Variants in AK5 observed in about 807,000 individuals in gnomAD.
AK5 encodes the protein adenylate kinase 5.
AK5 carries 27 observed loss-of-function variants against 69.5 expected under a neutral mutation model. The ratio of observed to expected loss-of-function variants is 0.39; its 90% CI spans 0.29 to 0.54. The LOEUF is 0.54. AK5 is among the 20% of genes least tolerant of loss of function. The probability of loss-of-function intolerance (pLI) is 0.71; values close to 1 mark genes in which losing one functional copy is unlikely to be tolerated. For synonymous variants in AK5, 260 were observed against 244.4 expected, an observed-to-expected ratio of 1.06 and a Z score of -0.60; for missense variants, 531 against 700.4, an observed-to-expected ratio of 0.76 and a Z score of 2.73.
chr1:77,442,741 C>G (rs1652405015), intron 8 of AK5, among the ~76,000 whole-genome samples: 1 of 152,128 alleles, frequency 6.6e-6, no homozygotes, highest in Admixed American at 6.6e-5. Context: ...TTCTAGACAG[C>G]CATCTTGCTG....
At chr1:77,397,746 T>TA (rs1012514788) in intron 6 of AK5, among the ~76,000 whole-genome samples, 3 of 151,804 alleles carry the variant, frequency 2.0e-5, no homozygotes, top group Non-Finnish European at 4.4e-5. Context: ...AATTTAAACA[T>TA]AAAAAATTAG....
intron 6 of AK5, among the ~76,000 whole-genome samples, chr1:77,367,554 TTTTTATA>T (rs1646976150): frequency 2.1e-4 from 6 of 28,588 alleles, no homozygotes; most frequent in East Asian, 5.4e-3. Flanking sequence ...ATTTATGTTA[TTTTTATA>T]TATATATATA....
intron 8 of AK5, among the ~76,000 whole-genome samples, chr1:77,454,115 G>A (rs943812262): frequency 5.9e-5 from 9 of 152,238 alleles, no homozygotes; most frequent in Non-Finnish European, 1.0e-4. Context: ...GCTCTACTAC[G>A]GCATCCATGC....
intron 6 of AK5, among the ~76,000 whole-genome samples, chr1:77,381,422 AG>A (rs1174123387): frequency 2.0e-5 from 3 of 152,180 alleles, no homozygotes; most frequent in Middle Eastern, 3.2e-3. Context: ...CCCAGATTCC[AG>A]TCACTTATTT....
At chr1:77,285,990 A>G (rs1228179868) in intron 1 of AK5, among the ~76,000 whole-genome samples, 1 of 152,310 alleles carries the variant, frequency 6.6e-6, no homozygotes, top group South Asian at 2.1e-4. Flanking sequence ...AGACTATTGC[A>G]TAACCGAATG....
At position 77,499,869 on chromosome 1, in the gene AK5, C is replaced by CTTTTTT. The variant is rs749712310; in HGVS notation, c.1147+13517_1147+13518insTTTTTT. ...GATGACAGAGACCATGCCCTTTTTC[C>CTTTTTT]ATTTTTTTTTTTTTTTTTTTTTTTT... is the stretch of plus-strand genomic sequence containing the variant. On this transcript the variant is annotated intron_variant, in intron 10 of 13. Transcript: ENST00000354567. 3.6e-3 allele frequency among the ~76,000 whole-genome samples: 281 copies of CTTTTTT among 78,770 alleles called. 29 individuals carry two copies. Among genetic ancestry groups the CTTTTTT allele is most frequent in the Non-Finnish European group, 4.1e-3 (173 of 42,050 alleles). The allele number at this position is 78,770 out of a possible 152,430, so 51.7% of individuals were successfully genotyped here.
At chr1:77,467,719 A>G (rs541446189) in intron 8 of AK5, among the ~76,000 whole-genome samples, 1 of 152,360 alleles carries the variant, frequency 6.6e-6, no homozygotes, top group South Asian at 2.1e-4. Context: ...ATTCCAGCCT[A>G]TGAAATATTC....
chr1:77,526,244 T>C (rs1570311663), intron 12 of AK5, among the ~76,000 whole-genome samples: 1 of 152,196 alleles, frequency 6.6e-6, no homozygotes, highest in Middle Eastern at 3.4e-3. Flanking sequence ...GAAGGTGTGG[T>C]ACAAACGTTG....
Position 77,406,705 on chromosome 1 carries a change from G to GA in AK5, c.892-4264dup, listed in dbSNP as rs891657357. The stretch of plus-strand genomic sequence containing the variant: ...CATGAGGAAATTGCCTGATGCTGAG[G>GA]AAAAAAAAAAAACATACAAAAGGAT... On this transcript the variant is annotated intron_variant, in intron 6 of 13. Transcript: ENST00000354567. Among the ~76,000 whole-genome samples, 564 of 140,028 alleles carry GA rather than the reference G, an allele frequency of 4.0e-3. 1 individual carries two copies. The highest frequency in any genetic ancestry group is 4.5e-3 in the Non-Finnish European group (291 of 64,204). The allele number at this position is 140,028 out of a possible 152,430, so 91.9% of individuals were successfully genotyped here.
In AK5 at chr1:77,542,255, G is replaced by A. The variant is rs565834724; in HGVS notation, c.1620+6217G>A. On this transcript the variant is annotated intron_variant, in intron 13 of 13. Transcript: ENST00000354567. ...CGAGAATTACTTGAACCTGGGAGGCGGAGGTTGCGGTAAGCCAAGATCACA... is the reference window on the plus strand; with the variant it reads ...CGAGAATTACTTGAACCTGGGAGGCAGAGGTTGCGGTAAGCCAAGATCACA... Among the ~76,000 whole-genome samples the A allele has an allele frequency of 5.9e-5, 9 of 152,206 alleles. No homozygotes were observed. The South Asian group carries it at 1.0e-3, about 18-fold the overall frequency.
At chr1:77,310,045 C>T (rs1385476934) in intron 5 of AK5, among the ~76,000 whole-genome samples, 1 of 151,980 alleles carries the variant, frequency 6.6e-6, no homozygotes, top group African/African-American at 2.4e-5. Flanking sequence ...CTATAGTTTT[C>T]TAGTTATTTT....
chr1:77,482,847 T>C (rs1038122415), intron 8 of AK5, among the ~76,000 whole-genome samples: 2 of 151,838 alleles, frequency 1.3e-5, no homozygotes, highest in African/African-American at 4.8e-5. Flanking sequence ...TCTGGCCCTT[T>C]ACAGAAAACT....
At chr1:77,429,533 CTA>C (rs1184821144) in intron 8 of AK5, among the ~76,000 whole-genome samples, 1 of 152,164 alleles carries the variant, frequency 6.6e-6, no homozygotes, top group Non-Finnish European at 1.5e-5. Flanking sequence ...ACAGTTCCTG[CTA>C]TCATAGAGCT....
chr1:77,398,747 A>C (rs1276508922), intron 6 of AK5, among the ~76,000 whole-genome samples: 3 of 152,060 alleles, frequency 2.0e-5, no homozygotes, highest in Admixed American at 6.6e-5. Flanking sequence ...TTTAGTCCTC[A>C]CTAGTGGTTT....
At chr1:77,437,635 AT>A (rs1204133178) in intron 8 of AK5, among the ~76,000 whole-genome samples, 4 of 152,158 alleles carry the variant, frequency 2.6e-5, no homozygotes, top group Non-Finnish European at 5.9e-5. Context: ...AAACATTTTC[AT>A]TTTAGATAGC....
intron 8 of AK5, among the ~76,000 whole-genome samples, chr1:77,426,125 A>G (rs1474146915): frequency 6.6e-6 from 1 of 152,218 alleles, no homozygotes; most frequent in Admixed American, 6.5e-5. Context: ...ATATTAATCC[A>G]AGTATATCAA....
intron 6 of AK5, among the ~76,000 whole-genome samples, chr1:77,380,788 G>A (rs1030377650): frequency 2.0e-5 from 3 of 152,172 alleles, no homozygotes; most frequent in African/African-American, 7.2e-5. Context: ...AGTCTCCAAA[G>A]AAGAGATGGC....
chr1:77,546,249 G>A (rs1659539252), intron 13 of AK5, among the ~76,000 whole-genome samples: 1 of 151,986 alleles, frequency 6.6e-6, no homozygotes, highest in African/African-American at 2.4e-5. Context: ...TTTTGCCTTT[G>A]CCCATGTTAG....
In AK5 at chr1:77,391,495, G is replaced by GTGTATATATATATATATA. The variant is rs1425180466; in HGVS notation, c.892-19485_892-19484insGTATATATATATATATAT. Among the ~76,000 whole-genome samples the GTGTATATATATATATATA allele has an allele frequency of 9.2e-3, 581 of 62,814 alleles. 7 individuals carry two copies. Among genetic ancestry groups the GTGTATATATATATATATA allele is most frequent in the Non-Finnish European group, 0.014 (420 of 30,618 alleles). The allele number at this position is 62,814 out of a possible 152,430, so 41.2% of individuals were successfully genotyped here. ...TATGTGTGTGTGTATGTGTGTGTGT[G>GTGTATATATATATATATA]TATATATATATATATATATATATAT... On this transcript the variant is annotated intron_variant, in intron 6 of 13. Coordinates refer to ENST00000354567, the MANE Select transcript of AK5 (RefSeq NM_174858.3).
Sources: allele counts gnomAD v4.1 joint callset (sites outside exome capture counted in the v4.1 genomes callset), GRCh38; gene constraint gnomAD v4.1.1; transcripts MANE v1.5; gene names NCBI Gene and HGNC (gene_info 2026-07-23, HGNC 2026-07-21).